Variants in SNRNP35 observed in about 807,000 individuals in gnomAD.
SNRNP35 encodes U11/U12 small nuclear ribonucleoprotein 35 kDa protein.
SNRNP35 carries 16 observed loss-of-function variants against 24.3 expected under a neutral mutation model. That is an observed-to-expected ratio of 0.66 (90% CI 0.45 to 1.00). The LOEUF (loss-of-function observed/expected upper bound fraction) is 1.00. Ranked by LOEUF, SNRNP35 falls within the 50% of genes least tolerant of loss-of-function variation. The pLI, the probability that SNRNP35 is intolerant of heterozygous loss-of-function variation, is 0.00. For synonymous variants in SNRNP35, 106 were observed against 124.8 expected (o/e 0.85, Z 1.00); for missense variants, 292 against 327.2 (o/e 0.89, Z 0.83).
At chr12:123,464,865 T>G (rs1880856455) in intron 1 of SNRNP35, 1 of 152,258 alleles carries the variant, frequency 6.6e-6, no homozygotes, top group African/African-American at 2.4e-5. Context: ...GTCTGTTTAC[T>G]ACAGAATGGT....
chr12:123,461,208 C>T (rs1260800953), intron 1 of SNRNP35, among the ~76,000 whole-genome samples: 9 of 150,862 alleles, frequency 6.0e-5, no homozygotes, highest in African/African-American at 1.5e-4. Context: ...CTCTGCCTCC[C>T]GGGTTCACGC....
chr12:123,465,480 G>C lies in SNRNP35; in HGVS notation c.-3-58G>C, dbSNP rs1880894287. ...ATCCTTTTCATGGCATTGTTGTAAG[G>C]GTTGAATGAGTGGCTCAGAGTAGAG... On this transcript the variant is annotated intron_variant, in intron 1 of 1. Coordinates refer to ENST00000526639, the MANE Select transcript of SNRNP35 (RefSeq NM_022717.4). The surrounding 1 kb of genome is among the most constrained non-coding windows in gnomAD (Gnocchi z 4.2). 2.7e-6 allele frequency: 4 copies of C among 1,503,352 alleles called. No homozygotes were observed. Among genetic ancestry groups the C allele is most frequent in the Middle Eastern group, 1.8e-4 (1 of 5,432 alleles). The allele number at this position is 1,503,352 out of a possible 1,614,324, so 93.1% of individuals were successfully genotyped here.
At position 123,465,736 on chromosome 12, in the gene SNRNP35, A is replaced by G; in HGVS notation, c.196A>G (p.Lys66Glu). 3 of 1,613,886 alleles carry G rather than the reference A, an allele frequency of 1.9e-6. No individual in the cohort carries two copies. The highest frequency in any genetic ancestry group is 2.5e-6 in the Non-Finnish European group (3 of 1,179,890). ...ARLNLQTKED[K>E]LKEVFSRYGD... Reference sequence around the variant, plus strand: ...ACTAAACTTGCAGACCAAGGAGGACAAATTAAAGGAAGTCTTTTCCCGCTA... The same window carrying G: ...ACTAAACTTGCAGACCAAGGAGGACGAATTAAAGGAAGTCTTTTCCCGCTA... Residue 66 changes from lysine to glutamate, a missense_variant, in exon 2 of 2, where the codon AAA becomes GAA. Lys to Glu is a moderately conservative substitution (Grantham distance 56, BLOSUM62 1). Transcript: ENST00000526639. This position sits in a 1 kb window ranked among gnomAD's most constrained non-coding sequence, Gnocchi z 4.2.
At chr12:123,470,907 A>G (rs189317305), downstream of SNRNP35, 1 of 152,166 alleles carries the variant, frequency 6.6e-6, no homozygotes, top group Non-Finnish European at 1.5e-5. Context: ...ACCTGCTTCT[A>G]TACTCTTTGA....
chr12:123,464,824 G>C lies in SNRNP35; in HGVS notation c.-3-714G>C, dbSNP rs563068277. 4 of 152,280 alleles carry C rather than the reference G, an allele frequency of 2.6e-5. No individual in the cohort carries two copies. The East Asian group carries it at 7.7e-4, about 29-fold the overall frequency. The allele number at this position is 152,280 out of a possible 1,614,324, so 9.4% of individuals were successfully genotyped here. A position where few individuals can be genotyped will look rare whatever the true frequency, so the allele number is the denominator to read the frequency against. On this transcript the variant is annotated intron_variant, in intron 1 of 1. Coordinates refer to ENST00000526639, the MANE Select transcript of SNRNP35 (RefSeq NM_022717.4). Reference sequence around the variant, plus strand: ...CTTTTGAGACAAATAACCCGCTCCCGCTGCTGGGTCACTGTAGCCTTAGCT... The same window carrying C: ...CTTTTGAGACAAATAACCCGCTCCCCCTGCTGGGTCACTGTAGCCTTAGCT...
chr12:123,463,088 TCTCA>T (rs1296824820), intron 1 of SNRNP35, among the ~76,000 whole-genome samples: 1 of 152,118 alleles, frequency 6.6e-6, no homozygotes, highest in Non-Finnish European at 1.5e-5. Flanking sequence ...TGAGACAGGG[TCTCA>T]CTCTGTTACC....
intron 1 of SNRNP35, among the ~76,000 whole-genome samples, chr12:123,461,171 A>G (rs1880602221): frequency 6.7e-6 from 1 of 149,342 alleles, no homozygotes; most frequent in South Asian, 2.1e-4. Context: ...GCTGGAGTGC[A>G]ATGGCGGGAT....
At chr12:123,458,464 C>G (rs1342964261) in intron 1 of SNRNP35, among the ~76,000 whole-genome samples, 2 of 152,000 alleles carry the variant, frequency 1.3e-5, no homozygotes, top group Non-Finnish European at 2.9e-5. Flanking sequence ...GGCCAGGCTG[C>G]AGGCTGGATG....
At chr12:123,462,331 A>G (rs1044004874) in intron 1 of SNRNP35, among the ~76,000 whole-genome samples, 1 of 152,134 alleles carries the variant, frequency 6.6e-6, no homozygotes, top group African/African-American at 2.4e-5. Flanking sequence ...AAAGAAAGAA[A>G]AATTGTACTA....
At chr12:123,469,257 C>T (rs573611548), downstream of SNRNP35, among the ~76,000 whole-genome samples, 2 of 151,518 alleles carry the variant, frequency 1.3e-5, no homozygotes, top group South Asian at 2.1e-4. Flanking sequence ...CGGGTTCAAG[C>T]GATTCTCCTG....
chr12:123,466,354 G>T lies in SNRNP35; in HGVS notation c.*73G>T, dbSNP rs552445004. On this transcript the variant is annotated 3_prime_UTR_variant, in exon 2 of 2. Coordinates refer to ENST00000526639, the MANE Select transcript of SNRNP35 (RefSeq NM_022717.4). ...GAGGGGGATTGTCTTTCAACGCAGC[G>T]TGAGTCTAATGGTTGAATAAAACTT... 4.2e-6 allele frequency: 6 copies of T among 1,426,484 alleles called. No homozygotes were observed. The highest frequency in any genetic ancestry group is 5.6e-6 in the Non-Finnish European group (6 of 1,063,002). The allele number at this position is 1,426,484 out of a possible 1,614,324, so 88.4% of individuals were successfully genotyped here. A position where few individuals can be genotyped will look rare whatever the true frequency, so the allele number is the denominator to read the frequency against.
At chr12:123,459,926 TGAGA>T (rs752005363) in intron 1 of SNRNP35, 11 of 1,410,148 alleles carry the variant, frequency 7.8e-6, no homozygotes, top group Middle Eastern at 1.7e-4. Flanking sequence ...AGCATGCAGA[TGAGA>T]GAGAGAACAA....
At chr12:123,462,393 G>T (rs1880681395) in intron 1 of SNRNP35, among the ~76,000 whole-genome samples, 1 of 152,092 alleles carries the variant, frequency 6.6e-6, no homozygotes, top group Admixed American at 6.6e-5. Context: ...GGAGGAGCAA[G>T]CCTGGGTAGT....
In SNRNP35 at chr12:123,465,551, G is replaced by A; in HGVS notation, c.11G>A (p.Trp4Ter). 6.5e-7 allele frequency: 1 copy of A among 1,547,826 alleles called. No homozygotes were observed. Among genetic ancestry groups the A allele is most frequent in the Non-Finnish European group, 8.7e-7 (1 of 1,147,934 alleles). Residue 4 changes from tryptophan to a stop codon, truncating the protein, a stop_gained, in exon 2 of 2, where the codon TGG (tryptophan) becomes TAG (stop). Coordinates refer to ENST00000526639, the MANE Select transcript of SNRNP35 (RefSeq NM_022717.4). LOFTEE classifies it high-confidence loss of function. This position sits in a 1 kb window ranked among gnomAD's most constrained non-coding sequence, Gnocchi z 4.2. ...TATCATTCATAGAACATGAACGATT[G>A]GATGCCCATCGCCAAGGAGTATGAT... is the stretch of plus-strand genomic sequence containing the variant. The part of the protein sequence containing the change: MND[W>*]MPIAKEYDPL...
downstream of SNRNP35, among the ~76,000 whole-genome samples, chr12:123,468,837 G>A (rs945421690): frequency 2.6e-5 from 4 of 152,226 alleles, no homozygotes; most frequent in African/African-American, 9.6e-5. Context: ...CATGACAGAA[G>A]CAAATACTCT....
At chr12:123,467,519 C>T (rs1881026675), downstream of SNRNP35, among the ~76,000 whole-genome samples, 1 of 152,162 alleles carries the variant, frequency 6.6e-6, no homozygotes, top group Non-Finnish European at 1.5e-5. Context: ...GATCTGCTGA[C>T]CTTAACTTCT....
In SNRNP35 at chr12:123,466,159, C is replaced by T. The variant is rs758800504; in HGVS notation, c.619C>T (p.Arg207Trp). ...RTRDRDHDRG[R>W]EKRWQEREPT... is the part of the protein sequence containing the mutation. ...AAGGGATCGAGACCATGACAGGGGC[C>T]GGGAGAAGAGATGGCAAGAAAGAGA... is the stretch of plus-strand genomic sequence containing the variant. The change falls in exon 2 of 2, where the codon CGG becomes TGG. Residue 207 changes from arginine to tryptophan, a missense_variant. By Grantham distance (101) the Arg-to-Trp change is moderately radical. Transcript: ENST00000526639. 3.5e-5 allele frequency: 56 copies of T among 1,607,826 alleles called. No individual in the cohort carries two copies. The highest frequency in any genetic ancestry group is 1.7e-4 in the Middle Eastern group (1 of 6,024).
intron 1 of SNRNP35, chr12:123,459,222 G>A (rs1372620486): frequency 6.6e-6 from 1 of 152,574 alleles, no homozygotes; most frequent in Non-Finnish European, 1.5e-5. Context: ...ACAGGCGTGA[G>A]CCAGCGCGTG....
downstream of SNRNP35, chr12:123,470,659 A>T (rs1881147728): frequency 6.6e-6 from 1 of 151,596 alleles, no homozygotes; most frequent in South Asian, 2.1e-4. Flanking sequence ...TGGCACACAC[A>T]TGTAGTCCCA....
Sources: gnomAD v4.1 joint callset for allele counts (sites outside exome capture counted in the v4.1 genomes callset) on GRCh38, gnomAD v4.1.1 for gene constraint, Gnocchi (gnomAD v3.1) non-coding constraint, MANE v1.5 for transcripts, NCBI Gene and HGNC (gene_info 2026-07-23, HGNC 2026-07-21) for gene names.